The following CLDN14 variants were observed in gnomAD, a reference collection of about 807,000 sequenced individuals.
CLDN14 encodes the protein claudin-14.
Under a neutral mutation model 2.1 loss-of-function variants are expected in CLDN14, and 2 were observed. That is an observed-to-expected ratio of 0.96 (90% CI 0.39 to 3.01). CLDN14 has a LOEUF of 3.01. Among genes scored for constraint, CLDN14 ranks in the 30% most tolerant of loss-of-function variants. CLDN14 has a pLI of 0.09. For missense variants in CLDN14, 298 were observed against 328.0 expected (o/e 0.91, Z 0.71); for synonymous variants, 136 against 154.4 (o/e 0.88, Z 0.88).
chr21:36,537,248 AG>A (rs1436603519), intron 1 of CLDN14, among the ~76,000 whole-genome samples: 1 of 151,974 alleles, frequency 6.6e-6, no homozygotes, highest in African/African-American at 2.4e-5. Context: ...AGAGAGAGAG[AG>A]AAAAAAAAAT....
chr21:36,500,349 C>G (rs370614362), intron 2 of CLDN14, among the ~76,000 whole-genome samples: 10 of 152,280 alleles, frequency 6.6e-5, no homozygotes, highest in African/African-American at 2.4e-4. Context: ...AGTGACGCCT[C>G]GGACAGTGAC....
intron 1 of CLDN14, among the ~76,000 whole-genome samples, chr21:36,555,650 G>C (rs139491380): frequency 1.1e-3 from 161 of 152,196 alleles, no homozygotes; most frequent in African/African-American, 3.8e-3. Flanking sequence ...ACGTTTTCTC[G>C]TTCCTAAGGC....
intron 1 of CLDN14, among the ~76,000 whole-genome samples, chr21:36,478,963 T>C (rs1056834794): frequency 7.9e-5 from 12 of 152,070 alleles, no homozygotes; most frequent in African/African-American, 2.7e-4. Flanking sequence ...TTGAGAGAGA[T>C]CTATCACTTC....
chr21:36,522,937 A>T (rs1246667020), intron 1 of CLDN14, among the ~76,000 whole-genome samples: 1 of 152,024 alleles, frequency 6.6e-6, no homozygotes, highest in Non-Finnish European at 1.5e-5. Flanking sequence ...GAGCAGAGGA[A>T]TTTGTTCAGG....
intron 1 of CLDN14, among the ~76,000 whole-genome samples, chr21:36,463,185 C>T (rs2086601919): frequency 6.6e-6 from 1 of 152,238 alleles, no homozygotes; most frequent in African/African-American, 2.4e-5. Context: ...CCAGCCCTGG[C>T]TGCGCCCATC....
chr21:36,531,176 C>T (rs895375635), intron 1 of CLDN14, among the ~76,000 whole-genome samples: 1 of 151,868 alleles, frequency 6.6e-6, no homozygotes, highest in African/African-American at 2.4e-5. Context: ...TGCGGTGAGC[C>T]GAGATCATGC....
intron 1 of CLDN14, among the ~76,000 whole-genome samples, chr21:36,539,187 C>T (rs947847667): frequency 6.6e-6 from 1 of 152,256 alleles, no homozygotes; most frequent in Non-Finnish European, 1.5e-5. Context: ...GTGCCAGGCT[C>T]TGTGTCAGAC....
Position 36,499,939 on chromosome 21 carries a change from G to A in CLDN14, c.-82+10424C>T, listed in dbSNP as rs906356003. 1.3e-5 allele frequency among the ~76,000 whole-genome samples: 2 copies of A among 152,166 alleles called. No homozygotes were observed. Among genetic ancestry groups the A allele is most frequent in the Non-Finnish European group, 2.9e-5 (2 of 68,024 alleles). On this transcript the variant is annotated intron_variant, in intron 2 of 2. Coordinates refer to the CLDN14 transcript ENST00000342108. This position sits in a 1 kb window ranked among gnomAD's most constrained non-coding sequence, Gnocchi z 4.7. ...CCCGGGAGCAGTACTGGGCCCAGAA[G>A]CCTGCCCCAGCCGCGCACACAGAGT... is the stretch of plus-strand genomic sequence containing the variant.
chr21:36,485,097 C>G (rs1192529038), upstream of CLDN14, among the ~76,000 whole-genome samples: 1 of 151,616 alleles, frequency 6.6e-6, no homozygotes, highest in East Asian at 1.9e-4. Flanking sequence ...TTCACAGGCA[C>G]CAGAAGGTAG....
At chr21:36,571,157 A>G (rs1378891374) in intron 1 of CLDN14, among the ~76,000 whole-genome samples, 1 of 152,186 alleles carries the variant, frequency 6.6e-6, no homozygotes, top group Non-Finnish European at 1.5e-5. Context: ...CCTTTTTACC[A>G]AACATTCTAA....
Position 36,479,755 on chromosome 21 carries a change from C to G in CLDN14, c.-342G>C, listed in dbSNP as rs1463618040. 1 of 152,238 alleles carries G rather than the reference C, an allele frequency of 6.6e-6. No individual in the cohort carries two copies. The highest frequency in any genetic ancestry group is 6.5e-5 in the Admixed American group (1 of 15,276). 9.4% of individuals were successfully genotyped at this position (152,238 alleles called of 1,614,324 possible). On this transcript the variant is annotated 5_prime_UTR_variant, in exon 1 of 2. Coordinates refer to ENST00000399135, the MANE Select transcript of CLDN14 (RefSeq NM_001146079.2). Reference sequence around the variant, plus strand: ...GGTTAGCTAGCATGAGAGGAGGTGGCTTGGCCAGAGCAGACATTCAAGACC... The same window carrying G: ...GGTTAGCTAGCATGAGAGGAGGTGGGTTGGCCAGAGCAGACATTCAAGACC...
rs553798267 is a variant in CLDN14 at position 36,470,059 on chromosome 21, AC to A, written c.-81-8284del. 6.1e-4 allele frequency among the ~76,000 whole-genome samples: 93 copies of A among 152,310 alleles called. No homozygotes were observed. In the South Asian group the frequency reaches 0.015, roughly 24 times the overall value. ...CAAAAACAAAAACAACAACAAAAAAACAATACCCCAAAAAACCCAGGTGGAC... is the reference window on the plus strand; with the variant it reads ...CAAAAACAAAAACAACAACAAAAAAAAATACCCCAAAAAACCCAGGTGGAC... On this transcript the variant is annotated intron_variant, in intron 1 of 1. Transcript: ENST00000399135.
At chr21:36,482,399 T>TGGATAGAC (rs2086855449), upstream of CLDN14, among the ~76,000 whole-genome samples, 1 of 136,750 alleles carries the variant, frequency 7.3e-6, no homozygotes, top group African/African-American at 2.9e-5. Context: ...GATGGATGGA[T>TGGATAGAC]GGATGGATAG....
At chr21:36,496,715 GAGGA>G (rs1381046859) in intron 2 of CLDN14, among the ~76,000 whole-genome samples, 3 of 42,822 alleles carry the variant, frequency 7.0e-5, no homozygotes, top group African/African-American at 2.5e-4. Context: ...GGGAGGAGGG[GAGGA>G]AGGGAGGGAG....
At position 36,512,645 on chromosome 21, in the gene CLDN14, A is replaced by G. The variant is rs1221494090; in HGVS notation, c.-219-2145T>C. Among the ~76,000 whole-genome samples, 4 of 152,222 alleles carry G rather than the reference A, an allele frequency of 2.6e-5. No individual in the cohort carries two copies. In the East Asian group the frequency reaches 7.7e-4, roughly 29 times the overall value. On this transcript the variant is annotated intron_variant, in intron 1 of 2. Coordinates refer to the CLDN14 transcript ENST00000342108. Reference sequence around the variant, plus strand: ...AGCAGAACAAGACACCATCTATGTAAAAATTAAAGCAAAGCACACAGATGT... The same window carrying G: ...AGCAGAACAAGACACCATCTATGTAGAAATTAAAGCAAAGCACACAGATGT...
chr21:36,571,606 A>T (rs1272160026), intron 1 of CLDN14, among the ~76,000 whole-genome samples: 1 of 152,176 alleles, frequency 6.6e-6, no homozygotes, highest in African/African-American at 2.4e-5. Context: ...TTCCAGTGAG[A>T]TGAAGGGGGT....
intron 1 of CLDN14, among the ~76,000 whole-genome samples, chr21:36,538,008 TG>T (rs2146507412): frequency 6.6e-6 from 1 of 152,034 alleles, no homozygotes; most frequent in Admixed American, 6.6e-5. Context: ...TGTGTGTGTG[TG>T]TGTGTGTACA....
intron 2 of CLDN14, among the ~76,000 whole-genome samples, chr21:36,494,037 C>T (rs915637410): frequency 2.6e-5 from 4 of 152,184 alleles, no homozygotes; most frequent in African/African-American, 9.7e-5. Context: ...TGAGAGCCCC[C>T]AAGAGCAGGA....
chr21:36,486,863 G>T, intron 2 of CLDN14: 1 of 713,780 alleles, frequency 1.4e-6, no homozygotes, highest in Non-Finnish European at 2.6e-6. Flanking sequence ...CCCTTGGGTT[G>T]GACGGTGTGT....
Sources: gnomAD v4.1 joint callset for allele counts (sites outside exome capture counted in the v4.1 genomes callset) on GRCh38, gnomAD v4.1.1 for gene constraint, Gnocchi (gnomAD v3.1) non-coding constraint, MANE v1.5 for transcripts, NCBI Gene and HGNC (gene_info 2026-07-23, HGNC 2026-07-21) for gene names.